Variants in ASPM observed in about 807,000 individuals in gnomAD.
The protein encoded by ASPM is abnormal spindle-like microcephaly-associated protein.
In ASPM, 256 loss-of-function variants were observed where a neutral mutation model predicts 366.4. The observed-to-expected ratio is 0.70, with a 90% CI of 0.63 to 0.77. The LOEUF is 0.77. Among genes scored for constraint, ASPM ranks in the 30% least tolerant of loss-of-function variants. The pLI is 0.00. For synonymous variants in ASPM, 1,414 were observed against 1,342.9 expected (o/e 1.05, Z -1.16); for missense variants, 4,146 against 4,090.4 (o/e 1.01, Z -0.37).
intron 17 of ASPM, among the ~76,000 whole-genome samples, chr1:197,109,412 C>A (rs896084744): frequency 2.1e-4 from 32 of 152,142 alleles, no homozygotes; most frequent in African/African-American, 6.7e-4. Flanking sequence ...TTAATATATC[C>A]ATTGAAGCAG....
intron 20 of ASPM, among the ~76,000 whole-genome samples, 198 bp downstream of exon 20, chr1:197,093,886 G>T (rs1288126447): frequency 6.6e-6 from 1 of 151,822 alleles, no homozygotes; most frequent in Non-Finnish European, 1.5e-5. Context: ...TTAAAAACTA[G>T]CAAATAGTAT....
At chr1:197,145,845 A>AATATATATATATATATATATATAT (rs71131744) in intron 1 of ASPM, among the ~76,000 whole-genome samples, 75 of 147,686 alleles carry the variant, frequency 5.1e-4, no homozygotes, top group African/African-American at 1.8e-3. Context: ...TCAATTAGAG[A>AATATATATATATATATATATATAT]ATATATATAT....
chr1:197,145,308 A>G (rs1658731993), intron 1 of ASPM, among the ~76,000 whole-genome samples: 1 of 152,226 alleles, frequency 6.6e-6, no homozygotes, highest in Non-Finnish European at 1.5e-5. Flanking sequence ...TTACTCTTGC[A>G]AATGCAATGC....
In ASPM at chr1:197,090,835, ACAAGTTT is replaced by A. The variant is rs1384834457; in HGVS notation, c.9636+8_9636+14del. The A allele has an allele frequency of 6.2e-7, 1 of 1,605,206 alleles. No individual in the cohort carries two copies. The highest frequency in any genetic ancestry group is 2.2e-5 in the East Asian group (1 of 44,732). On this transcript the variant is annotated splice_region_variant and intron_variant, in intron 23 of 27. Coordinates refer to ENST00000367409, the MANE Select transcript of ASPM (RefSeq NM_018136.5). ...AACTAAAGTTTTGAACTAAAACTAT[ACAAGTTT>A]CAATTACCTGAATTTTAATGATTCC...
At chr1:197,105,296 T>C (rs1318874053) in intron 17 of ASPM, 111 bp from the exon 18 acceptor site, 3 of 847,098 alleles carry the variant, frequency 3.5e-6, no homozygotes, top group East Asian at 5.2e-5. Context: ...ACACATTGAA[T>C]TAGAAAACTA....
In ASPM at chr1:197,090,181, T is replaced by G. The variant is rs757607845; in HGVS notation, c.9829+15A>C. On this transcript the variant is annotated intron_variant, in intron 24 of 27. Transcript: ENST00000367409. The stretch of plus-strand genomic sequence containing the variant: ...AGTATTACATCATTCTTTAAACATG[T>G]TAACACAAACTAACCTAGGTGTTTT... 1.2e-6 allele frequency: 2 copies of G among 1,612,992 alleles called. No homozygotes were observed. The highest frequency in any genetic ancestry group is 2.2e-5 in the East Asian group (1 of 44,768).
chr1:197,130,993 T>C (rs540271428), intron 7 of ASPM, among the ~76,000 whole-genome samples: 3 of 152,288 alleles, frequency 2.0e-5, no homozygotes, highest in East Asian at 1.9e-4. Flanking sequence ...ATGTCCCAAA[T>C]ATGGGGGGCT....
At position 197,134,053 on chromosome 1, in the gene ASPM, G is replaced by A. The variant is rs114569274; in HGVS notation, c.2174-458C>T. Among the ~76,000 whole-genome samples, 1,058 of 151,218 alleles carry A rather than the reference G, an allele frequency of 7.0e-3. 9 individuals are homozygous for A. Among genetic ancestry groups the A allele is most frequent in the African/African-American group, 0.023 (959 of 41,172 alleles). On this transcript the variant is annotated intron_variant, in intron 5 of 27. Coordinates refer to ENST00000367409, the MANE Select transcript of ASPM (RefSeq NM_018136.5). ...AAACAACTTTTTTCTTTTTTTTTAA[G>A]TGATCTCTAAGATCACTGCTTAGAG...
intron 17 of ASPM, among the ~76,000 whole-genome samples, chr1:197,106,017 T>C (rs1034020463): frequency 2.0e-5 from 3 of 151,934 alleles, no homozygotes; most frequent in Non-Finnish European, 2.9e-5. Context: ...CATGGAGAGG[T>C]TGTTCTCTAC....
At chr1:197,122,817 T>C (rs924280202) in intron 13 of ASPM, among the ~76,000 whole-genome samples, 4 of 152,182 alleles carry the variant, frequency 2.6e-5, no homozygotes, top group African/African-American at 9.7e-5. Context: ...AACACCTTGA[T>C]TTCAGACTTC....
At chr1:197,088,461 T>C (rs1310965763) in intron 25 of ASPM, 29 bp from the exon 26 acceptor site, 3 of 1,566,742 alleles carry the variant, frequency 1.9e-6, no homozygotes, top group Non-Finnish European at 2.6e-6. Context: ...AAATTAAAAG[T>C]TGTAATAAAC....
intron 26 of ASPM, among the ~76,000 whole-genome samples, 169 bp from the exon 27 acceptor site, chr1:197,087,141 C>T (rs1231624337): frequency 6.6e-6 from 1 of 151,846 alleles, no homozygotes; most frequent in African/African-American, 2.4e-5. Flanking sequence ...GTGGTGCGAT[C>T]TTAGCTCAAT....
At chr1:197,098,243 T>A (rs547143741) in intron 18 of ASPM, among the ~76,000 whole-genome samples, 1 of 151,072 alleles carries the variant, frequency 6.6e-6, no homozygotes, top group Non-Finnish European at 1.5e-5. Context: ...TATTTAGTAA[T>A]GTATACTATA....
chr1:197,121,824 T>C, intron 16 of ASPM, 91 bp downstream of exon 16: 1 of 1,438,152 alleles, frequency 7.0e-7, no homozygotes, highest in Admixed American at 1.7e-5. Context: ...ATGCCATACA[T>C]CCATAAAATG....
chr1:197,085,552 G>A (rs753138813), intron 27 of ASPM, among the ~76,000 whole-genome samples: 6 of 152,094 alleles, frequency 3.9e-5, no homozygotes, highest in African/African-American at 7.2e-5. Context: ...CCATACAATG[G>A]AATAGTACTA....
At chr1:197,145,519 T>A (rs1450059971) in intron 1 of ASPM, among the ~76,000 whole-genome samples, 2 of 152,016 alleles carry the variant, frequency 1.3e-5, no homozygotes, top group Non-Finnish European at 2.9e-5. Flanking sequence ...CAAAGCTCAC[T>A]ATTTCACCGG....
Position 197,101,207 on chromosome 1 carries a change from G to GT in ASPM, c.8043dup (p.Arg2682ThrfsTer26), listed in dbSNP as rs876660960. The GT allele has an allele frequency of 1.3e-5, 21 of 1,612,160 alleles. No individual in the cohort carries two copies. The highest frequency in any genetic ancestry group is 1.8e-5 in the Non-Finnish European group (21 of 1,179,020). On this transcript the variant is annotated frameshift_variant, in exon 18 of 28. Transcript: ENST00000367409. LOFTEE classifies it high-confidence loss of function. Reference sequence around the variant, plus strand: ...CGGTGCATATTTTGAATATCCTTTCGTACTTTAAAGCCTCTGTAATAAGAC... The same window carrying GT: ...CGGTGCATATTTTGAATATCCTTTCGTTACTTTAAAGCCTCTGTAATAAGAC...
chr1:197,104,455 C>T lies in ASPM; in HGVS notation c.4796G>A (p.Arg1599Gln), dbSNP rs62623433. 3.9e-5 allele frequency: 63 copies of T among 1,612,718 alleles called. No homozygotes were observed. The highest frequency in any genetic ancestry group is 2.4e-4 in the African/African-American group (18 of 74,866). ...TTTCTTCATCTTCTTATATTTCTGT[C>T]GTTGTTGATGTTTTCTTACATGTGC... is the stretch of plus-strand genomic sequence containing the variant. The part of the protein sequence containing the change: ...FQAHVRKHQQ[R>Q]QKYKKMKKAA... Residue 1599 changes from arginine (R) to glutamine (Q), a missense_variant, in exon 18 of 28, where the codon CGA (arginine) becomes CAA (glutamine). Physicochemically the swap from Arg to Gln is conservative, Grantham distance 43 (BLOSUM62 1). Around this residue, in one of 3 missense-constraint regions of ASPM, gnomAD observed 3,624 missense variants for 3,591.7 expected, o/e 1.01. Coordinates refer to ENST00000367409, the MANE Select transcript of ASPM (RefSeq NM_018136.5).
intron 19 of ASPM, 66 bp from the exon 20 acceptor site, chr1:197,094,246 T>C (rs1656890706): frequency 2.2e-6 from 2 of 920,948 alleles, no homozygotes; most frequent in Admixed American, 4.1e-5. Context: ...ATTTATTGCC[T>C]CCCCCCCTTT....
Sources: allele counts gnomAD v4.1 joint callset (sites outside exome capture counted in the v4.1 genomes callset), GRCh38; gene constraint gnomAD v4.1.1; regional missense constraint gnomAD v4.1.1; transcripts MANE v1.5; gene names NCBI Gene and HGNC (gene_info 2026-07-23, HGNC 2026-07-21).